WDFY4: variants seen among roughly 807,000 people sequenced by gnomAD.
WDFY4 encodes WD repeat- and FYVE domain-containing protein 4.
Under a neutral mutation model 351.9 loss-of-function variants are expected in WDFY4, and 169 were observed. The ratio of observed to expected loss-of-function variants is 0.48; its 90% CI spans 0.42 to 0.55. The LOEUF is 0.55. Among genes scored for constraint, WDFY4 ranks in the 20% least tolerant of loss-of-function variants. The pLI is 0.00. For synonymous variants in WDFY4, 1,622 were observed against 1,574.6 expected (o/e 1.03, Z -0.71); for missense variants, 3,803 against 3,935.6 (o/e 0.97, Z 0.90).
chr10:48,697,845 G>T (rs990142865), intron 1 of WDFY4, among the ~76,000 whole-genome samples: 3 of 152,134 alleles, frequency 2.0e-5, no homozygotes, highest in African/African-American at 7.2e-5. Flanking sequence ...TCCCTTTTCT[G>T]GTCCCACATG....
chr10:48,968,963 G>A, intron 55 of WDFY4, 101 bp from the exon 56 acceptor site: 1 of 1,260,124 alleles, frequency 7.9e-7, no homozygotes, highest in East Asian at 2.5e-5. Flanking sequence ...CCATGCTTAA[G>A]TTCAAGTCCA....
chr10:48,864,637 G>T (rs1468151785), intron 39 of WDFY4, among the ~76,000 whole-genome samples: 14 of 152,178 alleles, frequency 9.2e-5, no homozygotes, highest in Non-Finnish European at 1.8e-4. Context: ...ATTGGAATTT[G>T]ATAGGGATTG....
intron 1 of WDFY4, among the ~76,000 whole-genome samples, chr10:48,700,092 C>G (rs2132138441): frequency 6.6e-6 from 1 of 152,328 alleles, no homozygotes; most frequent in African/African-American, 2.4e-5. Flanking sequence ...AACAGTTTCT[C>G]CAGGAGGGCA....
chr10:48,913,697 G>A (rs748422745), intron 47 of WDFY4: 67 of 1,612,800 alleles, frequency 4.2e-5, no homozygotes, highest in Non-Finnish European at 5.5e-5. Context: ...TCAGTAGGTT[G>A]TCATGGAGCC....
At chr10:48,970,024 C>T in intron 56 of WDFY4, 107 bp from the exon 57 acceptor site, 3 of 1,349,780 alleles carry the variant, frequency 2.2e-6, no homozygotes, top group Non-Finnish European at 3.0e-6. Context: ...ATGGCATGTC[C>T]CCAGTTCCCA....
intron 49 of WDFY4, 108 bp downstream of exon 49, chr10:48,943,557 A>G: frequency 1.7e-6 from 2 of 1,175,136 alleles, no homozygotes; most frequent in Non-Finnish European, 2.3e-6. Context: ...CGTCACATGA[A>G]CCTGGGTACC....
At chr10:48,913,753 T>C (rs781474680) in intron 47 of WDFY4, 3 of 1,613,934 alleles carry the variant, frequency 1.9e-6, no homozygotes, top group Admixed American at 3.3e-5. Context: ...GTGGGCACGC[T>C]GTCCAGGTGG....
At chr10:48,743,599 A>C in intron 12 of WDFY4, 51 bp downstream of exon 12, 2 of 1,491,282 alleles carry the variant, frequency 1.3e-6, no homozygotes, top group Non-Finnish European at 1.8e-6. Context: ...TCCCATTCTC[A>C]CTCTAACGTC....
chr10:48,799,202 C>G (rs746288737), intron 24 of WDFY4, among the ~76,000 whole-genome samples: 5 of 152,114 alleles, frequency 3.3e-5, no homozygotes, highest in African/African-American at 7.2e-5. Flanking sequence ...CTACCCTCTT[C>G]AGGAGATCTG....
At chr10:48,919,400 T>G (rs974933671) in intron 47 of WDFY4, among the ~76,000 whole-genome samples, 2 of 152,210 alleles carry the variant, frequency 1.3e-5, no homozygotes, top group African/African-American at 4.8e-5. Flanking sequence ...GTTGAAACCC[T>G]TTCAAAAAAG....
At chr10:48,923,573 A>G (rs1839313773) in intron 47 of WDFY4, among the ~76,000 whole-genome samples, 1 of 148,028 alleles carries the variant, frequency 6.8e-6, no homozygotes, top group Non-Finnish European at 1.5e-5. Flanking sequence ...GGGCCTAAAC[A>G]ATCAGTAAAT....
At chr10:48,842,188 C>G (rs551170100) in intron 39 of WDFY4, among the ~76,000 whole-genome samples, 8 of 152,002 alleles carry the variant, frequency 5.3e-5, no homozygotes, top group African/African-American at 1.7e-4. Context: ...GAGAGACTGT[C>G]CTTTGTCCCC....
At chr10:48,805,960 T>A in intron 26 of WDFY4, 44 bp from the exon 27 acceptor site, 1 of 1,526,480 alleles carries the variant, frequency 6.6e-7, no homozygotes, top group Non-Finnish European at 8.9e-7. Flanking sequence ...GCGGACTCAG[T>A]TGAGCCCGCC....
intron 39 of WDFY4, among the ~76,000 whole-genome samples, chr10:48,847,835 G>T (rs932088827): frequency 2.0e-5 from 3 of 152,130 alleles, no homozygotes; most frequent in Non-Finnish European, 4.4e-5. Context: ...AAACATCACA[G>T]TTCGAAAAAG....
At chr10:48,788,509 T>A (rs1433463824) in intron 20 of WDFY4, 21 bp from the exon 21 acceptor site, 3 of 1,549,610 alleles carry the variant, frequency 1.9e-6, no homozygotes, top group Non-Finnish European at 2.6e-6. Context: ...ACTAGAAATG[T>A]TTAAAGATGT....
At chr10:48,782,592 T>C (rs1450581348) in intron 19 of WDFY4, among the ~76,000 whole-genome samples, 1 of 152,160 alleles carries the variant, frequency 6.6e-6, no homozygotes, top group Non-Finnish European at 1.5e-5. Flanking sequence ...TCCAAAATAA[T>C]CTCAACAAGT....
chr10:48,710,272 A>G (rs1486772597), intron 2 of WDFY4, among the ~76,000 whole-genome samples: 1 of 152,158 alleles, frequency 6.6e-6, no homozygotes, highest in African/African-American at 2.4e-5. Context: ...GGCCTTATGT[A>G]GTGGAAGGGG....
chr10:48,721,224 G>T (rs1403525412), intron 3 of WDFY4, 37 bp from the exon 4 acceptor site: 1 of 1,542,900 alleles, frequency 6.5e-7, no homozygotes, highest in Non-Finnish European at 8.8e-7. Flanking sequence ...TGAGTGGGCA[G>T]GTCGCTGTAT....
chr10:48,790,621 T>C, intron 22 of WDFY4, 106 bp from the exon 23 acceptor site: 1 of 1,304,606 alleles, frequency 7.7e-7, no homozygotes, highest in Admixed American at 2.2e-5. Context: ...TGGCTGTGGA[T>C]GGATGGTGGC....
Sources: allele counts gnomAD v4.1 joint callset (sites outside exome capture counted in the v4.1 genomes callset), GRCh38; gene constraint gnomAD v4.1.1; transcripts MANE v1.5; gene names NCBI Gene and HGNC (gene_info 2026-07-23, HGNC 2026-07-21).